The following KDM6B variants were observed in gnomAD, a reference collection of about 807,000 sequenced individuals.
The protein encoded by KDM6B is lysine demethylase 6B.
Under a neutral mutation model 150.4 loss-of-function variants are expected in KDM6B, and 22 were observed. The ratio of observed to expected loss-of-function variants is 0.15; its 90% confidence interval spans 0.10 to 0.21. The LOEUF (loss-of-function observed/expected upper bound fraction) is 0.21. Among genes scored for constraint, KDM6B ranks in the 10% least tolerant of loss-of-function variants. The pLI is 1.00. For synonymous variants in KDM6B, 1,148 were observed against 921.1 expected (o/e 1.25, Z -4.46); for missense variants, 1,984 against 2,234.3 (o/e 0.89, Z 2.26).
intron 21 of KDM6B, 57 bp from the exon 22 acceptor site, chr17:7,852,943 C>G: frequency 6.2e-7 from 1 of 1,611,688 alleles, no homozygotes; most frequent in Non-Finnish European, 8.5e-7. Flanking sequence ...CTTGCTCCAG[C>G]CCTGCCTCAG....
chr17:7,835,657 A>C (rs977012560), intron 1 of KDM6B, among the ~76,000 whole-genome samples: 1 of 151,724 alleles, frequency 6.6e-6, no homozygotes, highest in Non-Finnish European at 1.5e-5. Flanking sequence ...GATGATAGCG[A>C]CAGGAAAGGG....
At chr17:7,852,705 C>G in intron 21 of KDM6B, 69 bp downstream of exon 21, 1 of 1,596,774 alleles carries the variant, frequency 6.3e-7, no homozygotes, top group Non-Finnish European at 8.6e-7. Context: ...TCCTGTCTGA[C>G]TCCACCCCAT....
Position 7,845,298 on chromosome 17 carries a change from T to C in KDM6B, c.-148-16T>C. On this transcript the variant is annotated splice_polypyrimidine_tract_variant and intron_variant, in intron 3 of 23. Transcript: ENST00000448097. Reference sequence around the variant, plus strand: ...TGTGCTGGCCAGCTCGTCTCACTCCTTTTCCTTCTCTCTAGAATTGGCTGT... The same window carrying C: ...TGTGCTGGCCAGCTCGTCTCACTCCCTTTCCTTCTCTCTAGAATTGGCTGT... 8.4e-6 allele frequency: 5 copies of C among 596,420 alleles called. No individual in the cohort carries two copies. The highest frequency in any genetic ancestry group is 1.5e-5 in the Non-Finnish European group (5 of 332,028). The allele number at this position is 596,420 out of a possible 1,614,324, so 36.9% of individuals were successfully genotyped here.
In KDM6B at chr17:7,834,367, AGGACGTCTGTAAAGAG is replaced by A. The variant is rs938206862; in HGVS notation, c.-388+21_-388+36del. ...CAGAACCAGGTAACGGGGAGCCGCG[AGGACGTCTGTAAAGAG>A]GGAAACCCTCTCCTTGCAGCAGGGC... On this transcript the variant is annotated intron_variant, in intron 1 of 23. Transcript: ENST00000448097. 2.6e-5 allele frequency among the ~76,000 whole-genome samples: 4 copies of A among 152,092 alleles called. No homozygotes were observed. Among genetic ancestry groups the A allele is most frequent in the African/African-American group, 9.6e-5 (4 of 41,522 alleles).
At chr17:7,839,395 G>A (rs1258019154) in intron 1 of KDM6B, among the ~76,000 whole-genome samples, 4 of 152,088 alleles carry the variant, frequency 2.6e-5, no homozygotes, top group Admixed American at 1.3e-4. Context: ...TGTTGGGCCC[G>A]TTCATCTAGT....
rs765279334 is a variant in KDM6B, at chr17:7,848,434, G to A, written c.2146G>A (p.Glu716Lys). Residue 716 changes from glutamate (E) to lysine (K), a missense_variant, in exon 12 of 24, where the codon GAA (glutamate) becomes AAA (lysine). Around this residue, in one of 13 missense-constraint regions of KDM6B, gnomAD observed 1,379 missense variants for 1,275.6 expected, o/e 1.08. Coordinates refer to ENST00000448097, the MANE Select transcript of KDM6B (RefSeq NM_001348716.2). Reference sequence around the variant, plus strand: ...CAAGGAAGAGGAACAGCAACAACACGAAGCAGGCGTGGCCCCCCAACCCCC... The same window carrying A: ...CAAGGAAGAGGAACAGCAACAACACAAAGCAGGCGTGGCCCCCCAACCCCC... Reference protein sequence around the residue: ...IRKEEEQQQHEAGVAPQPPLK... With the variant: ...IRKEEEQQQHKAGVAPQPPLK... 12 of 1,612,894 alleles carry A rather than the reference G, an allele frequency of 7.4e-6. No individual in the cohort carries two copies. The highest frequency in any genetic ancestry group is 4.4e-5 in the South Asian group (4 of 91,086).
At chr17:7,838,503 G>C (rs917209847) in intron 1 of KDM6B, among the ~76,000 whole-genome samples, 1 of 6,916 alleles carries the variant, frequency 1.4e-4, no homozygotes, top group Non-Finnish European at 3.5e-4. Context: ...TACAGCCTCC[G>C]GCTTGGGGCC....
At chr17:7,852,724 C>G in intron 21 of KDM6B, 88 bp downstream of exon 21, 1 of 1,561,652 alleles carries the variant, frequency 6.4e-7, no homozygotes, top group Non-Finnish European at 8.8e-7. Flanking sequence ...ATTTTTACCT[C>G]TCTCCATCCT....
intron 20 of KDM6B, 62 bp downstream of exon 20, chr17:7,852,398 T>C: frequency 7.7e-7 from 1 of 1,291,270 alleles, no homozygotes. Context: ...CCTGGGAGGC[T>C]GGGGCTTGGA....
chr17:7,836,099 C>G (rs1254188781), intron 1 of KDM6B, among the ~76,000 whole-genome samples: 1 of 152,218 alleles, frequency 6.6e-6, no homozygotes, highest in Non-Finnish European at 1.5e-5. Context: ...ACCAGCGCCC[C>G]TTCCCAAGGC....
Position 7,853,569 on chromosome 17 carries a change from C to T in KDM6B, c.*48C>T, listed in dbSNP as rs1359690522. On this transcript the variant is annotated 3_prime_UTR_variant, in exon 24 of 24. Coordinates refer to ENST00000448097, the MANE Select transcript of KDM6B (RefSeq NM_001348716.2). ...CCTGCCCGCGCAAGGCGCCGCGGGG[C>T]CACCAGCACATGCCTGGGCTGGACC... 2.2e-6 allele frequency: 3 copies of T among 1,349,158 alleles called. No individual in the cohort carries two copies. Among genetic ancestry groups the T allele is most frequent in the Non-Finnish European group, 1.9e-6 (2 of 1,043,710 alleles). The allele number at this position is 1,349,158 out of a possible 1,614,324, so 83.6% of individuals were successfully genotyped here.
intron 2 of KDM6B, among the ~76,000 whole-genome samples, chr17:7,841,766 C>T (rs2078418333): frequency 6.6e-6 from 1 of 152,310 alleles, no homozygotes; most frequent in South Asian, 2.1e-4. Flanking sequence ...GGGCCGGCAC[C>T]GTCACTCCTC....
At position 7,850,095 on chromosome 17, in the gene KDM6B, C is replaced by A; in HGVS notation, c.3591C>A (p.Phe1197Leu). The change falls in exon 14 of 24, where the codon TTC becomes TTA. Residue 1197 changes from phenylalanine (F) to leucine (L), a missense_variant. Around this residue, in one of 13 missense-constraint regions of KDM6B, gnomAD observed 15 missense variants for 48.7 expected, o/e 0.31. Transcript: ENST00000448097. The part of the protein sequence containing the change: ...SIYLESKRDA[F>L]SPVLLQFCTD... ...AGCTGGAGAGCAAACGGGATGCCTT[C>A]TCACCTGTCCTGCTGCAGTTCTGTA... The A allele has an allele frequency of 6.2e-7, 1 of 1,613,920 alleles. No homozygotes were observed. Among genetic ancestry groups the A allele is most frequent in the East Asian group, 2.2e-5 (1 of 44,880 alleles).
intron 1 of KDM6B, among the ~76,000 whole-genome samples, 74 bp downstream of exon 1, chr17:7,834,424 C>T (rs2078289448): frequency 6.6e-6 from 1 of 152,034 alleles, no homozygotes; most frequent in African/African-American, 2.4e-5. Flanking sequence ...GCCTGAGTCT[C>T]TGGAGGGGTA....
chr17:7,846,813 T>A lies in KDM6B; in HGVS notation c.712-6T>A. The A allele has an allele frequency of 1.9e-6, 3 of 1,613,306 alleles. No homozygotes were observed. Among genetic ancestry groups the A allele is most frequent in the Non-Finnish European group, 1.7e-6 (2 of 1,179,854 alleles). ...AATGGGATTCTCACACTCTCTTCTC[T>A]CCTAGACTGGCCTTCCCCCAGGGCT... On this transcript the variant is annotated splice_polypyrimidine_tract_variant and splice_region_variant and intron_variant, in intron 9 of 23. Transcript: ENST00000448097.
Position 7,846,317 on chromosome 17 carries a change from G to C in KDM6B, c.456+20G>C. On this transcript the variant is annotated intron_variant, in intron 7 of 23. Coordinates refer to ENST00000448097, the MANE Select transcript of KDM6B (RefSeq NM_001348716.2). ...CAGCAGGTAGGAGAAGGCAGGGCGT[G>C]GGGGACGGGATTGTACGATTGTGCC... The C allele has an allele frequency of 9.3e-6, 15 of 1,604,614 alleles. No homozygotes were observed. The highest frequency in any genetic ancestry group is 1.3e-5 in the Non-Finnish European group (15 of 1,175,416).
In KDM6B at chr17:7,848,091, C is replaced by G. The variant is rs891380681; in HGVS notation, c.1803C>G (p.Pro601=). 28 of 1,612,778 alleles carry G rather than the reference C, an allele frequency of 1.7e-5. No homozygotes were observed. Among genetic ancestry groups the G allele is most frequent in the Non-Finnish European group, 2.2e-5 (26 of 1,179,712 alleles). ...AQNPQDPPLV[P]LTLALPPAPP... is the part of the protein sequence containing the mutation. ...ACCCCCAGGACCCACCTCTTGTACC[C>G]CTGACTCTTGCCCTGCCTCCAGCCC... Residue 601 remains proline, a synonymous_variant, in exon 12 of 24, where the codon CCC becomes CCG. Transcript: ENST00000448097.
rs1219556368 is a variant in KDM6B, at chr17:7,852,553, A to G, written c.4527A>G (p.Lys1509=). The G allele has an allele frequency of 6.2e-7, 1 of 1,614,026 alleles. No individual in the cohort carries two copies. Among genetic ancestry groups the G allele is most frequent in the African/African-American group, 1.3e-5 (1 of 74,932 alleles). ...AGTGGAATGAGGTGAAGAACGTCAA[A>G]TCCATCGTGCCCATGATTCACGTGT... is the stretch of plus-strand genomic sequence containing the variant. ...RYEWNEVKNV[K]SIVPMIHVSW... is the part of the protein sequence containing the mutation. The change falls in exon 21 of 24, where the codon AAA becomes AAG. Residue 1509 remains lysine (K), a synonymous_variant. Coordinates refer to ENST00000448097, the MANE Select transcript of KDM6B (RefSeq NM_001348716.2).
At chr17:7,852,742 C>G (rs1268488117) in intron 21 of KDM6B, 106 bp downstream of exon 21, 1 of 1,508,506 alleles carries the variant, frequency 6.6e-7, no homozygotes, top group African/African-American at 1.4e-5. Context: ...CCTTGTCTGC[C>G]TGTGCCCCGA....
Sources: allele counts gnomAD v4.1 joint callset (sites outside exome capture counted in the v4.1 genomes callset), GRCh38; gene constraint gnomAD v4.1.1; regional missense constraint gnomAD v4.1.1; transcripts MANE v1.5; gene names NCBI Gene and HGNC (gene_info 2026-07-23, HGNC 2026-07-21).